Variants in TMEM50B observed in about 807,000 individuals in gnomAD.
TMEM50B encodes HCV p7-trans-regulated protein 3.
Under a neutral mutation model 23.4 loss-of-function variants are expected in TMEM50B, and 14 were observed. The ratio of observed to expected loss-of-function variants is 0.60; its 90% confidence interval spans 0.39 to 0.93. The LOEUF is 0.93. TMEM50B is among the 40% of genes least tolerant of loss of function. The pLI is 0.00. For synonymous variants in TMEM50B, 64 were observed against 62.3 expected (o/e 1.03, Z -0.13); for missense variants, 159 against 193.0 (o/e 0.82, Z 1.04).
chr21:33,458,060 AGCTGCTCAT>A (rs1327888565), intron 5 of TMEM50B, among the ~76,000 whole-genome samples: 1 of 152,234 alleles, frequency 6.6e-6, no homozygotes, highest in African/African-American at 2.4e-5. Flanking sequence ...TTCAGCCTAC[AGCTGCTCAT>A]GCTGCTGGGT....
intron 1 of TMEM50B, among the ~76,000 whole-genome samples, chr21:33,479,604 A>G (rs1047114135): frequency 2.6e-5 from 4 of 152,142 alleles, no homozygotes; most frequent in Non-Finnish European, 5.9e-5. Flanking sequence ...CGGCGGCGCC[A>G]CGGTCACGGT....
intron 8 of TMEM50B, among the ~76,000 whole-genome samples, chr21:33,436,669 C>T (rs1251996921): frequency 6.6e-6 from 1 of 151,392 alleles, no homozygotes; most frequent in Non-Finnish European, 1.5e-5. Context: ...TTGCAGTGAG[C>T]TGAGATCACA....
At chr21:33,464,797 T>G (rs1278785976) in intron 4 of TMEM50B, among the ~76,000 whole-genome samples, 1 of 53,046 alleles carries the variant, frequency 1.9e-5, no homozygotes, top group Non-Finnish European at 3.7e-5. Flanking sequence ...AGAGCTAAAC[T>G]CCGTCTCAAA....
At chr21:33,436,854 C>T (rs1333148859) in intron 8 of TMEM50B, 1 of 1,614,156 alleles carries the variant, frequency 6.2e-7, no homozygotes, top group Non-Finnish European at 8.5e-7. Context: ...CTCAGCCCAT[C>T]TTAGAGGCCT....
chr21:33,474,199 G>T (rs1006050129), intron 1 of TMEM50B, among the ~76,000 whole-genome samples: 1 of 149,750 alleles, frequency 6.7e-6, no homozygotes, highest in Non-Finnish European at 1.5e-5. Context: ...AGGGGAGGGG[G>T]TTGTTGTTGT....
At chr21:33,468,690 T>C (rs1253895740) in intron 2 of TMEM50B, 97 bp downstream of exon 2, 4 of 897,350 alleles carry the variant, frequency 4.5e-6, no homozygotes, top group Non-Finnish European at 7.1e-6. Context: ...GTGAAATAAA[T>C]AGTTCTGGAA....
chr21:33,475,996 C>A (rs948442408), intron 1 of TMEM50B, among the ~76,000 whole-genome samples: 2 of 152,126 alleles, frequency 1.3e-5, no homozygotes, highest in African/African-American at 2.4e-5. Flanking sequence ...TTAAATGAGG[C>A]AATATAACCT....
At chr21:33,434,847 TG>T (rs1425194803) in intron 8 of TMEM50B, among the ~76,000 whole-genome samples, 46 of 152,172 alleles carry the variant, frequency 3.0e-4, no homozygotes, top group Non-Finnish European at 1.0e-4. Context: ...CTCTCTCTCC[TG>T]GTAGAACTAC....
At chr21:33,446,680 C>CAAAAAAAAAAAAAAAA (rs2084062214), downstream of TMEM50B, among the ~76,000 whole-genome samples, 1 of 19,822 alleles carries the variant, frequency 5.0e-5, no homozygotes, top group South Asian at 1.7e-3. Context: ...AAAAAAAAAC[C>CAAAAAAAAAAAAAAAA]TCTAAGAAAG....
At chr21:33,445,742 G>A (rs1022941281), downstream of TMEM50B, among the ~76,000 whole-genome samples, 1 of 151,798 alleles carries the variant, frequency 6.6e-6, no homozygotes, top group Non-Finnish European at 1.5e-5. Flanking sequence ...AGGCTGCAGT[G>A]AGCCACTGCA....
intron 4 of TMEM50B, among the ~76,000 whole-genome samples, chr21:33,464,804 C>CAAAAAAAAAA (rs59855166): frequency 5.9e-5 from 6 of 100,890 alleles, no homozygotes; most frequent in Non-Finnish European, 1.1e-4. Context: ...AACTCCGTCT[C>CAAAAAAAAAA]AAAAAAAAAA....
chr21:33,433,774 T>A (rs1056501291), intron 8 of TMEM50B, among the ~76,000 whole-genome samples: 5 of 133,320 alleles, frequency 3.8e-5, no homozygotes, highest in Non-Finnish European at 7.7e-5. Context: ...GTTATGTGTA[T>A]TTTACCACAA....
At chr21:33,454,710 TG>T (rs1219681342) in intron 6 of TMEM50B, among the ~76,000 whole-genome samples, 1 of 152,150 alleles carries the variant, frequency 6.6e-6, no homozygotes, top group Non-Finnish European at 1.5e-5. Context: ...ACAATGGGTC[TG>T]ATAGGGTTTT....
At chr21:33,475,554 G>A (rs962419422) in intron 1 of TMEM50B, among the ~76,000 whole-genome samples, 4 of 152,170 alleles carry the variant, frequency 2.6e-5, no homozygotes, top group Admixed American at 2.0e-4. Flanking sequence ...CACCATCTTG[G>A]CCAGGCTGGT....
At chr21:33,478,331 G>A (rs985472062) in intron 1 of TMEM50B, among the ~76,000 whole-genome samples, 1 of 151,902 alleles carries the variant, frequency 6.6e-6, no homozygotes, top group East Asian at 1.9e-4. Context: ...GCCAGGCATG[G>A]TGGCAGGCGC....
intron 1 of TMEM50B, among the ~76,000 whole-genome samples, chr21:33,473,605 G>A (rs546338729): frequency 1.3e-4 from 19 of 149,664 alleles, no homozygotes; most frequent in African/African-American, 4.7e-4. Context: ...GTGCCCAGAA[G>A]TTCGAGGTTA....
At chr21:33,469,382 CAG>C (rs2084292462) in intron 1 of TMEM50B, 1 of 154,258 alleles carries the variant, frequency 6.5e-6, no homozygotes, top group Admixed American at 6.4e-5. Flanking sequence ...ACCTGGAAGG[CAG>C]AGATTGCAGT....
At chr21:33,446,009 C>T (rs895072502), downstream of TMEM50B, among the ~76,000 whole-genome samples, 7 of 152,044 alleles carry the variant, frequency 4.6e-5, no homozygotes, top group Admixed American at 4.6e-4. Flanking sequence ...AGCGCCCAAA[C>T]CACAACTGTC....
chr21:33,466,068 T>G (rs187115323), intron 3 of TMEM50B, among the ~76,000 whole-genome samples: 3 of 152,186 alleles, frequency 2.0e-5, no homozygotes, highest in Middle Eastern at 6.8e-3. Flanking sequence ...AAGACCAGCC[T>G]GGCAAACATG....
Sources: allele counts gnomAD v4.1 joint callset (sites outside exome capture counted in the v4.1 genomes callset), GRCh38; gene constraint gnomAD v4.1.1; transcripts MANE v1.5; gene names NCBI Gene and HGNC (gene_info 2026-07-23, HGNC 2026-07-21).